MRC2: variants seen among roughly 807,000 people sequenced by gnomAD.
MRC2 encodes the protein C-type mannose receptor 2.
In MRC2, 84 loss-of-function variants were observed where a neutral mutation model predicts 206.2. That is an observed-to-expected ratio of 0.41 (90% CI 0.34 to 0.49). The LOEUF (loss-of-function observed/expected upper bound fraction) is 0.49, where lower values mean the gene tolerates loss of function less well. Ranked by LOEUF, MRC2 falls within the 20% of genes least tolerant of loss-of-function variation. MRC2 has a pLI of 0.31. For synonymous variants in MRC2, 798 were observed against 800.0 expected, an observed-to-expected ratio of 1.00 and a Z score of 0.04; for missense variants, 1,676 against 2,001.5, an observed-to-expected ratio of 0.84 and a Z score of 3.10.
At chr17:62,635,030 C>T (rs2088294870) in intron 1 of MRC2, among the ~76,000 whole-genome samples, 2 of 151,834 alleles carry the variant, frequency 1.3e-5, no homozygotes, top group African/African-American at 2.4e-5. Context: ...GGGGTTTTAC[C>T]ATGTTGGCCA....
chr17:62,631,510 AGT>A (rs142939148), intron 1 of MRC2, among the ~76,000 whole-genome samples: 94 of 152,116 alleles, frequency 6.2e-4, no homozygotes, highest in African/African-American at 2.2e-3. Flanking sequence ...AAGCACTGTC[AGT>A]GTGTGTGTGT....
chr17:62,685,288 A>G (rs1291454438), intron 20 of MRC2, among the ~76,000 whole-genome samples: 1 of 152,204 alleles, frequency 6.6e-6, no homozygotes, highest in African/African-American at 2.4e-5. Flanking sequence ...ACAGCTATCA[A>G]TATTTGTTAT....
At chr17:62,646,631 C>T (rs922564908) in intron 1 of MRC2, among the ~76,000 whole-genome samples, 1 of 152,174 alleles carries the variant, frequency 6.6e-6, no homozygotes, top group Non-Finnish European at 1.5e-5. Context: ...GCAGTGTCTG[C>T]TCCTTGGCAC....
At chr17:62,655,721 T>TAAAAAAAAAAAAAAAA (rs71155946) in intron 1 of MRC2, among the ~76,000 whole-genome samples, 1 of 126,170 alleles carries the variant, frequency 7.9e-6, no homozygotes, top group Non-Finnish European at 1.6e-5. Flanking sequence ...TCTGTCTCTT[T>TAAAAAAAAAAAAAAAA]AAAAAAAAAA....
intron 1 of MRC2, among the ~76,000 whole-genome samples, chr17:62,633,502 CAAAA>C (rs999150702): frequency 1.6e-4 from 12 of 73,528 alleles, no homozygotes; most frequent in Admixed American, 3.3e-4. Flanking sequence ...GACTCCGTCT[CAAAA>C]AAAAAAAAAA....
chr17:62,692,341 C>G lies in MRC2; in HGVS notation c.4330C>G (p.Arg1444Gly). 6.3e-7 allele frequency: 1 copy of G among 1,576,006 alleles called. No individual in the cohort carries two copies. The highest frequency in any genetic ancestry group is 8.6e-7 in the Non-Finnish European group (1 of 1,160,928). ...TTACCGGAGGCGCCAGAGCATCGAGCGCGGGGCCTTTGAGGGTGCCCGCTA... is the reference window on the plus strand; with the variant it reads ...TTACCGGAGGCGCCAGAGCATCGAGGGCGGGGCCTTTGAGGGTGCCCGCTA... ...ILYRRRQSIE[R>G]GAFEGARYSR... The change falls in exon 30 of 30, where the codon CGC becomes GGC. Residue 1444 changes from arginine (R) to glycine (G), a missense_variant. Physicochemically the swap from Arg to Gly is moderately radical, Grantham distance 125 (BLOSUM62 -2). Around this residue, in one of 3 missense-constraint regions of MRC2, gnomAD observed 1,354 missense variants for 1,636.6 expected, o/e 0.83. Coordinates refer to ENST00000303375, the MANE Select transcript of MRC2 (RefSeq NM_006039.5). The surrounding 1 kb of genome is among the most constrained non-coding windows in gnomAD (Gnocchi z 4.2).
intron 1 of MRC2, among the ~76,000 whole-genome samples, chr17:62,631,175 G>A (rs2084212840): frequency 6.6e-6 from 1 of 152,160 alleles, no homozygotes; most frequent in Admixed American, 6.5e-5. Context: ...ATTCATTTGA[G>A]TTCCTCATCA....
chr17:62,647,335 C>T (rs1158273621), intron 1 of MRC2, among the ~76,000 whole-genome samples: 3 of 151,850 alleles, frequency 2.0e-5, no homozygotes, highest in African/African-American at 7.3e-5. Flanking sequence ...AGGTGCATGC[C>T]ACCATGCCTG....
At chr17:62,655,776 T>G (rs1238324952) in intron 1 of MRC2, among the ~76,000 whole-genome samples, 1 of 151,572 alleles carries the variant, frequency 6.6e-6, no homozygotes, top group Non-Finnish European at 1.5e-5. Context: ...GAAATATTTC[T>G]ATCACACTTC....
At chr17:62,673,004 AT>A (rs1033565000) in intron 8 of MRC2, among the ~76,000 whole-genome samples, 5 of 149,120 alleles carry the variant, frequency 3.4e-5, no homozygotes, top group African/African-American at 1.3e-4. Context: ...AAAAAAAAAA[AT>A]AAAATAAAAA....
chr17:62,688,793 G>A, intron 22 of MRC2, 59 bp from the exon 23 acceptor site: 1 of 1,586,536 alleles, frequency 6.3e-7, no homozygotes, highest in Non-Finnish European at 8.6e-7. Flanking sequence ...CAGCCTTCTG[G>A]GGACAGTAGC....
At chr17:62,635,191 C>CTTTTTTT (rs35446845) in intron 1 of MRC2, among the ~76,000 whole-genome samples, 29 of 101,728 alleles carry the variant, frequency 2.9e-4, no homozygotes, top group African/African-American at 1.1e-3. Flanking sequence ...CTATTTTTCT[C>CTTTTTTT]TTTTTTTTTT....
At chr17:62,661,655 A>G (rs186351254) in intron 1 of MRC2, 1 of 151,700 alleles carries the variant, frequency 6.6e-6, no homozygotes, top group African/African-American at 2.4e-5. Context: ...AGGAAAGAGT[A>G]GAACAAAGAC....
At chr17:62,659,177 G>C (rs1380328191) in intron 1 of MRC2, among the ~76,000 whole-genome samples, 1 of 152,046 alleles carries the variant, frequency 6.6e-6, no homozygotes. Flanking sequence ...ATCCATGAAG[G>C]CTCTTCCCTA....
Position 62,675,989 on chromosome 17 carries a change from C to A in MRC2, c.1685+84C>A. On this transcript the variant is annotated intron_variant, in intron 10 of 29. Transcript: ENST00000303375. This position sits in a 1 kb window ranked among gnomAD's most constrained non-coding sequence, Gnocchi z 4.1. Reference sequence around the variant, plus strand: ...CCTTCAGCAAACAGGGTAGCATCTGCCATCATGCCCAGAGGGACCTGGAGT... The same window carrying A: ...CCTTCAGCAAACAGGGTAGCATCTGACATCATGCCCAGAGGGACCTGGAGT... 2 of 1,139,342 alleles carry A rather than the reference C, an allele frequency of 1.8e-6. No individual in the cohort carries two copies. Among genetic ancestry groups the A allele is most frequent in the African/African-American group, 1.5e-5 (1 of 65,726 alleles). 70.6% of individuals were successfully genotyped at this position (1,139,342 alleles called of 1,614,324 possible). A position where few individuals can be genotyped will look rare whatever the true frequency, so the allele number is the denominator to read the frequency against.
At chr17:62,654,477 A>T (rs1328917079) in intron 1 of MRC2, among the ~76,000 whole-genome samples, 1 of 151,938 alleles carries the variant, frequency 6.6e-6, no homozygotes, top group Non-Finnish European at 1.5e-5. Flanking sequence ...TGCTAGAATT[A>T]ACTTCTCATC....
At chr17:62,689,250 C>G (rs2089070590) in intron 23 of MRC2, 2 of 586,068 alleles carry the variant, frequency 3.4e-6, no homozygotes, top group East Asian at 2.8e-5. Flanking sequence ...GGTTCCAGGT[C>G]CAAGACACCT....
intron 1 of MRC2, among the ~76,000 whole-genome samples, chr17:62,636,616 T>C (rs967385746): frequency 2.6e-5 from 4 of 151,408 alleles, no homozygotes; most frequent in Non-Finnish European, 4.4e-5. Context: ...TTACAGGCAC[T>C]CACCACCACG....
Position 62,692,541 on chromosome 17 carries a change from T to A in MRC2, c.*90T>A. ...GCCCCCCACCAGCTGCCTGTCCAGT[T>A]GGCCTATGGAAGGGTGCCCTTGGGA... On this transcript the variant is annotated 3_prime_UTR_variant, in exon 30 of 30. Coordinates refer to ENST00000303375, the MANE Select transcript of MRC2 (RefSeq NM_006039.5). The surrounding 1 kb of genome is among the most constrained non-coding windows in gnomAD (Gnocchi z 4.2). The A allele has an allele frequency of 7.4e-7, 1 of 1,347,128 alleles. No individual in the cohort carries two copies. The highest frequency in any genetic ancestry group is 1.0e-6 in the Non-Finnish European group (1 of 986,908). 83.4% of individuals were successfully genotyped at this position (1,347,128 alleles called of 1,614,324 possible).
Sources: gnomAD v4.1 joint callset for allele counts (sites outside exome capture counted in the v4.1 genomes callset) on GRCh38, gnomAD v4.1.1 for gene constraint, gnomAD v4.1.1 regional missense constraint, Gnocchi (gnomAD v3.1) non-coding constraint, MANE v1.5 for transcripts, NCBI Gene and HGNC (gene_info 2026-07-23, HGNC 2026-07-21) for gene names.